FNBP1L: variants seen among roughly 807,000 people sequenced by gnomAD.
The protein encoded by FNBP1L is formin binding protein 1 like.
Under a neutral mutation model 91.2 loss-of-function variants are expected in FNBP1L, and 36 were observed. That is an observed-to-expected ratio of 0.39 (90% CI 0.30 to 0.52). The LOEUF is 0.52. Among genes scored for constraint, FNBP1L ranks in the 20% least tolerant of loss-of-function variants. FNBP1L has a pLI of 0.66. For synonymous variants in FNBP1L, 242 were observed against 237.0 expected (o/e 1.02, Z -0.19); for missense variants, 571 against 732.1 (o/e 0.78, Z 2.54).
At chr1:93,512,005 G>C (rs1670871558) in intron 2 of FNBP1L, among the ~76,000 whole-genome samples, 1 of 149,554 alleles carries the variant, frequency 6.7e-6, no homozygotes, top group South Asian at 2.1e-4. Context: ...AGACCCATCA[G>C]TGTGCTGTAT....
intron 1 of FNBP1L, among the ~76,000 whole-genome samples, chr1:93,475,396 A>G (rs907925734): frequency 3.9e-5 from 6 of 152,088 alleles, no homozygotes; most frequent in East Asian, 1.9e-4. Flanking sequence ...CAAAAAAATT[A>G]GGCAGGGTGG....
intron 2 of FNBP1L, among the ~76,000 whole-genome samples, chr1:93,507,724 G>A (rs767549510): frequency 3.3e-5 from 5 of 152,024 alleles, no homozygotes; most frequent in Non-Finnish European, 7.4e-5. Context: ...TCTTGGCTCA[G>A]TGCAACCTCC....
At chr1:93,547,272 T>G in intron 13 of FNBP1L, 75 bp from the exon 14 acceptor site, 1 of 1,209,106 alleles carries the variant, frequency 8.3e-7, no homozygotes, top group Non-Finnish European at 1.2e-6. Context: ...CTTAAACACA[T>G]TTTAAATGTA....
At chr1:93,545,069 T>C (rs1468620772) in intron 12 of FNBP1L, among the ~76,000 whole-genome samples, 4 of 152,174 alleles carry the variant, frequency 2.6e-5, no homozygotes, top group Admixed American at 6.5e-5. Flanking sequence ...TCATATATGA[T>C]GTTGATTTAT....
intron 15 of FNBP1L, among the ~76,000 whole-genome samples, chr1:93,550,379 C>T (rs1287844773): frequency 1.3e-5 from 2 of 152,060 alleles, no homozygotes; most frequent in Non-Finnish European, 2.9e-5. Flanking sequence ...CAATTTGGCA[C>T]GTGTTAAATG....
At chr1:93,505,895 T>G (rs1670592719) in intron 2 of FNBP1L, among the ~76,000 whole-genome samples, 2 of 152,204 alleles carry the variant, frequency 1.3e-5, no homozygotes, top group Non-Finnish European at 2.9e-5. Context: ...ACCAGGCTGG[T>G]CTCGGACTCC....
At chr1:93,512,404 G>C (rs2101738826) in intron 2 of FNBP1L, among the ~76,000 whole-genome samples, 1 of 151,570 alleles carries the variant, frequency 6.6e-6, no homozygotes, top group South Asian at 2.1e-4. Context: ...ATTGAACTCA[G>C]CTCTGCACCA....
intron 1 of FNBP1L, among the ~76,000 whole-genome samples, chr1:93,471,528 C>T (rs1442145220): frequency 1.3e-5 from 2 of 152,028 alleles, no homozygotes; most frequent in African/African-American, 4.8e-5. Context: ...CCTGTTTCCA[C>T]AAAAAATACA....
chr1:93,491,911 TTAAAA>T (rs1322203479), intron 1 of FNBP1L, among the ~76,000 whole-genome samples: 1 of 152,184 alleles, frequency 6.6e-6, no homozygotes, highest in Non-Finnish European at 1.5e-5. Flanking sequence ...ATTTAAAACT[TTAAAA>T]AATGGTATCT....
intron 1 of FNBP1L, among the ~76,000 whole-genome samples, chr1:93,457,062 A>AT (rs554190076): frequency 4.0e-4 from 61 of 151,936 alleles, no homozygotes; most frequent in African/African-American, 1.4e-3. Context: ...TAATATTTGT[A>AT]TTTTTTGTAG....
At position 93,546,981 on chromosome 1, in the gene FNBP1L, T is replaced by G. The variant is rs1433983475; in HGVS notation, c.1407+7T>G. On this transcript the variant is annotated splice_region_variant and intron_variant, in intron 13 of 16. Transcript: ENST00000271234. ...GGAAATCCATAAGAATGAGGTAGAT[T>G]TGTTATTCAGCACTTGTCAAGATAA... The G allele has an allele frequency of 1.9e-6, 3 of 1,609,756 alleles. No individual in the cohort carries two copies. The highest frequency in any genetic ancestry group is 2.2e-5 in the East Asian group (1 of 44,786).
chr1:93,485,404 T>A (rs1430188561), intron 1 of FNBP1L, among the ~76,000 whole-genome samples: 1 of 152,190 alleles, frequency 6.6e-6, no homozygotes, highest in Non-Finnish European at 1.5e-5. Flanking sequence ...TTTAATTTTT[T>A]AATAAATACA....
At chr1:93,521,783 T>C (rs1182779342) in intron 2 of FNBP1L, among the ~76,000 whole-genome samples, 1 of 152,210 alleles carries the variant, frequency 6.6e-6, no homozygotes, top group African/African-American at 2.4e-5. Context: ...TTGTACTTTG[T>C]TTCTTCTATT....
In FNBP1L at chr1:93,454,913, A is replaced by T. The variant is rs200785559; in HGVS notation, c.24+6608A>T. Among the ~76,000 whole-genome samples, 16 of 121,432 alleles carry T rather than the reference A, an allele frequency of 1.3e-4. No individual in the cohort carries two copies. The East Asian group carries it at 1.9e-3, about 15-fold the overall frequency. The allele number at this position is 121,432 out of a possible 152,430, so 79.7% of individuals were successfully genotyped here. ...GCATATACTGTGCTGTTTTATTTTT[A>T]TTTATTTATTTATTTATTTATTTAT... is the stretch of plus-strand genomic sequence containing the variant. On this transcript the variant is annotated intron_variant, in intron 1 of 16. Coordinates refer to ENST00000271234, the MANE Select transcript of FNBP1L (RefSeq NM_001164473.3).
intron 2 of FNBP1L, among the ~76,000 whole-genome samples, chr1:93,511,913 C>T (rs1451466572): frequency 1.4e-5 from 2 of 139,156 alleles, no homozygotes; most frequent in South Asian, 2.3e-4. Flanking sequence ...TTGCAGTGAG[C>T]CGAGATCCCG....
chr1:93,494,473 A>T (rs942865021), intron 1 of FNBP1L, among the ~76,000 whole-genome samples: 1 of 152,030 alleles, frequency 6.6e-6, no homozygotes, highest in African/African-American at 2.4e-5. Flanking sequence ...TCTTCCCAGG[A>T]GGTTTGGGGG....
intron 12 of FNBP1L, among the ~76,000 whole-genome samples, chr1:93,544,460 A>T (rs1485756359): frequency 6.6e-6 from 1 of 151,976 alleles, no homozygotes; most frequent in Admixed American, 6.6e-5. Context: ...AAATTTCTTG[A>T]TATTTTATTA....
intron 2 of FNBP1L, among the ~76,000 whole-genome samples, chr1:93,504,303 G>T (rs1557796379): frequency 6.6e-6 from 1 of 152,128 alleles, no homozygotes. Context: ...TTGGTGTTGT[G>T]TACATCATTG....
intron 2 of FNBP1L, among the ~76,000 whole-genome samples, chr1:93,507,207 G>A (rs1570815757): frequency 1.4e-5 from 2 of 138,070 alleles, no homozygotes; most frequent in East Asian, 4.4e-4. Flanking sequence ...CATATCTATG[G>A]AATCTATTAT....
Sources: gnomAD v4.1 joint callset for allele counts (sites outside exome capture counted in the v4.1 genomes callset) on GRCh38, gnomAD v4.1.1 for gene constraint, MANE v1.5 for transcripts, NCBI Gene and HGNC (gene_info 2026-07-23, HGNC 2026-07-21) for gene names.